The following CLNK variants were observed in gnomAD, a reference collection of about 807,000 sequenced individuals.
The protein encoded by CLNK is cytokine-dependent hematopoietic cell linker.
CLNK carries 74 observed loss-of-function variants against 68.6 expected under a neutral mutation model. That is an observed-to-expected ratio of 1.08 (90% CI 0.89 to 1.31). CLNK has a LOEUF of 1.31. Among genes scored for constraint, CLNK ranks in the 50% most tolerant of loss-of-function variants. The probability of loss-of-function intolerance (pLI) is 0.00; values close to 1 mark genes in which losing one functional copy is unlikely to be tolerated. For synonymous variants in CLNK, 198 were observed against 172.2 expected (o/e 1.15, Z -1.17); for missense variants, 553 against 515.3 (o/e 1.07, Z -0.71).
At chr4:10,584,502 C>G (rs970459985) in intron 4 of CLNK, among the ~76,000 whole-genome samples, 1 of 152,188 alleles carries the variant, frequency 6.6e-6, no homozygotes, top group Non-Finnish European at 1.5e-5. Flanking sequence ...AAGAGAGATA[C>G]AGGAGAGGCA....
chr4:10,603,824 G>A (rs1721685692), intron 2 of CLNK, among the ~76,000 whole-genome samples: 1 of 152,234 alleles, frequency 6.6e-6, no homozygotes, highest in South Asian at 2.1e-4. Context: ...AAGGTTAAGA[G>A]AGAGACCTGG....
chr4:10,682,846 G>T (rs1725143863), intron 1 of CLNK, among the ~76,000 whole-genome samples: 1 of 152,098 alleles, frequency 6.6e-6, no homozygotes, highest in African/African-American at 2.4e-5. Context: ...ATTACATAGG[G>T]CTATACAACT....
intron 2 of CLNK, among the ~76,000 whole-genome samples, chr4:10,647,025 C>T (rs1379460273): frequency 2.6e-5 from 4 of 152,126 alleles, no homozygotes; most frequent in Middle Eastern, 3.2e-3. Context: ...CATCTCTATC[C>T]TTGTGTTTCC....
rs115311683 is a variant in CLNK at position 10,648,405 on chromosome 4, A to G, written c.11+19454T>C. On this transcript the variant is annotated intron_variant, in intron 2 of 18. Coordinates refer to ENST00000226951, the MANE Select transcript of CLNK (RefSeq NM_052964.4). ...TGTCATGCAATGCCACATATTTCTCATGTGCTTTACATACATTATATCATG... is the reference window on the plus strand; with the variant it reads ...TGTCATGCAATGCCACATATTTCTCGTGTGCTTTACATACATTATATCATG... 6.1e-3 allele frequency among the ~76,000 whole-genome samples: 934 copies of G among 152,322 alleles called. 5 individuals carry two copies. The highest frequency in any genetic ancestry group is 0.021 in the African/African-American group (882 of 41,576).
the CLNK span, among the ~76,000 whole-genome samples, chr4:10,715,979 C>A: frequency 2.6e-5 from 4 of 152,204 alleles, no homozygotes; most frequent in African/African-American, 7.2e-5. Context: ...GAGGTGAATT[C>A]TTTTCCTGAG....
Position 10,501,240 on chromosome 4 carries a change from G to T in CLNK, c.1140+16C>A. 1 of 1,545,238 alleles carries T rather than the reference G, an allele frequency of 6.5e-7. No individual in the cohort carries two copies. The highest frequency in any genetic ancestry group is 1.3e-5 in the South Asian group (1 of 78,382). On this transcript the variant is annotated intron_variant, in intron 18 of 18. Coordinates refer to ENST00000226951, the MANE Select transcript of CLNK (RefSeq NM_052964.4). ...GCGCTTAGCCTGGAACAGGGAGGCT[G>T]TTAAGTTATACCCACCTCATCTCCT...
At chr4:10,710,145 G>A in the CLNK span, among the ~76,000 whole-genome samples, 6 of 152,160 alleles carry the variant, frequency 3.9e-5, no homozygotes, top group African/African-American at 1.2e-4. Flanking sequence ...CAAAGTAAGA[G>A]GCAAAAGGGA....
chr4:10,560,546 C>T (rs542518590), intron 7 of CLNK, among the ~76,000 whole-genome samples: 117 of 152,028 alleles, frequency 7.7e-4, no homozygotes, highest in African/African-American at 1.7e-3. Context: ...CGGGCTCAAG[C>T]GATCCTCCCA....
At chr4:10,661,931 T>C (rs1429436091) in intron 2 of CLNK, among the ~76,000 whole-genome samples, 1 of 152,208 alleles carries the variant, frequency 6.6e-6, no homozygotes, top group Non-Finnish European at 1.5e-5. Flanking sequence ...TAGAATTCTA[T>C]ACCTCTACGA....
At chr4:10,712,631 G>C in the CLNK span, among the ~76,000 whole-genome samples, 1 of 152,214 alleles carries the variant, frequency 6.6e-6, no homozygotes, top group Non-Finnish European at 1.5e-5. Context: ...GGCATAAGCA[G>C]AAGTTAAATG....
the CLNK span, among the ~76,000 whole-genome samples, chr4:10,713,987 A>C: frequency 6.6e-6 from 1 of 152,172 alleles, no homozygotes; most frequent in Non-Finnish European, 1.5e-5. Context: ...AGCTCGAAAC[A>C]TTATCGGCCA....
chr4:10,677,268 A>G (rs544699024), intron 1 of CLNK, among the ~76,000 whole-genome samples: 12 of 152,308 alleles, frequency 7.9e-5, no homozygotes, highest in Non-Finnish European at 1.5e-4. Flanking sequence ...ATGGACGTCT[A>G]AAGGCTAATG....
chr4:10,684,426 A>G (rs1725193775), intron 1 of CLNK, among the ~76,000 whole-genome samples: 1 of 152,168 alleles, frequency 6.6e-6, no homozygotes, highest in Non-Finnish European at 1.5e-5. Context: ...GAAGATTGAA[A>G]ACATTTAGTC....
chr4:10,622,449 A>T (rs1004975299), intron 2 of CLNK, among the ~76,000 whole-genome samples: 13 of 152,246 alleles, frequency 8.5e-5, no homozygotes, highest in African/African-American at 2.9e-4. Context: ...GTGACAGGCT[A>T]CAACAACTCA....
chr4:10,501,676 C>T (rs757729343), intron 17 of CLNK, among the ~76,000 whole-genome samples: 1 of 152,170 alleles, frequency 6.6e-6, no homozygotes, highest in African/African-American at 2.4e-5. Flanking sequence ...CCTGTAATCC[C>T]AGCACTTTGG....
Position 10,527,016 on chromosome 4 carries a change from C to T in CLNK, c.649+1060G>A, listed in dbSNP as rs547779096. 3.9e-5 allele frequency among the ~76,000 whole-genome samples: 6 copies of T among 152,304 alleles called. No homozygotes were observed. The East Asian group carries it at 1.2e-3, about 29-fold the overall frequency. ...CCAAGGTTCATCACAAACTGGATACCTTTGATCGAAGGACCGTGATTACTT... is the reference window on the plus strand; with the variant it reads ...CCAAGGTTCATCACAAACTGGATACTTTTGATCGAAGGACCGTGATTACTT... On this transcript the variant is annotated intron_variant, in intron 13 of 18. Coordinates refer to ENST00000226951, the MANE Select transcript of CLNK (RefSeq NM_052964.4).
In CLNK at chr4:10,501,804, G is replaced by T. The variant is rs180698843; in HGVS notation, c.985-393C>A. On this transcript the variant is annotated intron_variant, in intron 17 of 18. Coordinates refer to ENST00000226951, the MANE Select transcript of CLNK (RefSeq NM_052964.4). ...TAGCCGGGCATGGTGGCGGGCGCCT[G>T]TAATCCCAGCTACTCAGGAGGCTGA... Among the ~76,000 whole-genome samples the T allele has an allele frequency of 7.9e-5, 12 of 152,324 alleles. No homozygotes were observed. The East Asian group carries it at 2.3e-3, about 29-fold the overall frequency.
intron 1 of CLNK, among the ~76,000 whole-genome samples, chr4:10,674,845 A>G (rs898919696): frequency 6.6e-6 from 1 of 152,204 alleles, no homozygotes; most frequent in East Asian, 1.9e-4. Context: ...TATGAGTAAG[A>G]ACATGTGGTG....
At position 10,683,979 on chromosome 4, in the gene CLNK, C is replaced by T. The variant is rs76031043; in HGVS notation, c.-43+689G>A. 5.9e-4 allele frequency among the ~76,000 whole-genome samples: 90 copies of T among 152,240 alleles called. 1 individual carries two copies. The East Asian group carries it at 0.012, about 20-fold the overall frequency. The stretch of plus-strand genomic sequence containing the variant: ...GTATTGATAAAAAGTTCAGGCATAT[C>T]GACACCTTTTAAAATCAAAGTATCC... On this transcript the variant is annotated intron_variant, in intron 1 of 18. Transcript: ENST00000226951.
Sources: allele counts gnomAD v4.1 joint callset (sites outside exome capture counted in the v4.1 genomes callset), GRCh38; gene constraint gnomAD v4.1.1; transcripts MANE v1.5; gene names NCBI Gene and HGNC (gene_info 2026-07-23, HGNC 2026-07-21).